HPSE2: variants seen among roughly 807,000 people sequenced by gnomAD.
HPSE2 encodes heparanase 2 (inactive), also known as inactive heparanase-2.
HPSE2 carries 38 observed loss-of-function variants against 60.5 expected under a neutral mutation model. The ratio of observed to expected loss-of-function variants is 0.63; its 90% CI spans 0.48 to 0.82. The LOEUF is 0.82. HPSE2 is among the 40% of genes least tolerant of loss of function. The pLI is 0.00. For synonymous variants in HPSE2, 295 were observed against 293.2 expected (o/e 1.01, Z -0.06); for missense variants, 713 against 740.4 (o/e 0.96, Z 0.43).
the HPSE2 span, among the ~76,000 whole-genome samples, chr10:99,294,408 A>G: frequency 3.4e-5 from 5 of 146,700 alleles, no homozygotes; most frequent in Non-Finnish European, 7.5e-5. Flanking sequence ...ATATAAATAT[A>G]TAATATATAC....
intron 9 of HPSE2, among the ~76,000 whole-genome samples, chr10:98,597,798 C>A (rs561432027): frequency 6.6e-6 from 1 of 151,846 alleles, no homozygotes; most frequent in South Asian, 2.1e-4. Context: ...TGGTGAGACC[C>A]CGTCTCTACT....
At chr10:99,290,597 G>GT in the HPSE2 span, among the ~76,000 whole-genome samples, 1 of 79,124 alleles carries the variant, frequency 1.3e-5, no homozygotes, top group Admixed American at 1.1e-4. Context: ...TGGTTCTTAT[G>GT]TTTCTCTCTG....
chr10:99,143,625 C>A (rs1845944479), intron 3 of HPSE2, among the ~76,000 whole-genome samples: 1 of 152,124 alleles, frequency 6.6e-6, no homozygotes. Flanking sequence ...TTTTCCAAAG[C>A]CTGACAAAAC....
At chr10:98,687,770 C>T (rs1313122118) in intron 6 of HPSE2, among the ~76,000 whole-genome samples, 1 of 152,094 alleles carries the variant, frequency 6.6e-6, no homozygotes, top group Non-Finnish European at 1.5e-5. Context: ...ATAGCCTCAC[C>T]AGCTTTTTAT....
chr10:98,628,557 T>A (rs1946277290), intron 7 of HPSE2, among the ~76,000 whole-genome samples: 1 of 152,182 alleles, frequency 6.6e-6, no homozygotes, highest in African/African-American at 2.4e-5. Flanking sequence ...ATGCTGAAAT[T>A]ACTTAAGTGA....
rs148104806 is a variant in HPSE2 at position 98,808,474 on chromosome 10, T to C, written c.611-64418A>G. ...TCAATAAAATACACTTTCTAGCATA[T>C]AACATTTAATCAAGAAACCAGAATT... On this transcript the variant is annotated intron_variant, in intron 3 of 11. Transcript: ENST00000370552. 4.1e-4 allele frequency among the ~76,000 whole-genome samples: 62 copies of C among 152,318 alleles called. No individual in the cohort carries two copies. The East Asian group carries it at 0.011, about 28-fold the overall frequency.
At chr10:98,768,809 CG>C (rs1236260326) in intron 3 of HPSE2, among the ~76,000 whole-genome samples, 2 of 152,126 alleles carry the variant, frequency 1.3e-5, no homozygotes, top group African/African-American at 2.4e-5. Context: ...CCCAGCACTT[CG>C]GGATGTTGAG....
At chr10:99,289,061 G>GT in the HPSE2 span, among the ~76,000 whole-genome samples, 1 of 152,040 alleles carries the variant, frequency 6.6e-6, no homozygotes, top group Non-Finnish European at 1.5e-5. Context: ...TTTTCACATG[G>GT]TAACATTCTG....
chr10:98,951,872 A>G (rs1362562216), intron 3 of HPSE2, among the ~76,000 whole-genome samples: 1 of 152,156 alleles, frequency 6.6e-6, no homozygotes, highest in Admixed American at 6.5e-5. Context: ...AGATTATCCA[A>G]CTAAATTCCC....
At chr10:99,046,853 A>G (rs191012904) in intron 3 of HPSE2, among the ~76,000 whole-genome samples, 65 of 152,322 alleles carry the variant, frequency 4.3e-4, no homozygotes, top group African/African-American at 1.5e-3. Flanking sequence ...CATGCTCTGG[A>G]TGGAAAGAAT....
chr10:99,021,109 C>T (rs1042718380), intron 3 of HPSE2, among the ~76,000 whole-genome samples: 1 of 152,196 alleles, frequency 6.6e-6, no homozygotes, highest in African/African-American at 2.4e-5. Context: ...ACAGTTTACA[C>T]ACCTGTCTCC....
intron 9 of HPSE2, among the ~76,000 whole-genome samples, chr10:98,517,904 C>A (rs944968761): frequency 1.3e-5 from 2 of 152,220 alleles, no homozygotes; most frequent in Non-Finnish European, 2.9e-5. Context: ...ATGGGCCTGG[C>A]ACAGGCCTGG....
intron 5 of HPSE2, among the ~76,000 whole-genome samples, chr10:98,700,014 C>T (rs1406726742): frequency 1.3e-5 from 2 of 151,606 alleles, no homozygotes; most frequent in East Asian, 1.9e-4. Flanking sequence ...AATGGAAGAA[C>T]ATTCCATGCT....
intron 6 of HPSE2, among the ~76,000 whole-genome samples, chr10:98,681,582 T>G (rs1215571236): frequency 6.6e-6 from 1 of 152,198 alleles, no homozygotes; most frequent in African/African-American, 2.4e-5. Flanking sequence ...CTTGTTGAAT[T>G]TTGTTATAGT....
In HPSE2 at chr10:99,006,187, G is replaced by A. The variant is rs537857423; in HGVS notation, c.610+138051C>T. On this transcript the variant is annotated intron_variant, in intron 3 of 11. Coordinates refer to ENST00000370552, the MANE Select transcript of HPSE2 (RefSeq NM_021828.5). Reference sequence around the variant, plus strand: ...GATGGTCCTGGGAACTGAGTCCACAGGAGCTGGCTTGGAACTAGAGTGGGG... The same window carrying A: ...GATGGTCCTGGGAACTGAGTCCACAAGAGCTGGCTTGGAACTAGAGTGGGG... Among the ~76,000 whole-genome samples, 18 of 152,284 alleles carry A rather than the reference G, an allele frequency of 1.2e-4. No homozygotes were observed. The South Asian group carries it at 3.7e-3, about 32-fold the overall frequency.
In HPSE2 at chr10:99,181,397, C is replaced by CAAAA. The variant is rs58049545; in HGVS notation, c.449-37002_449-36999dup. On this transcript the variant is annotated intron_variant, in intron 2 of 11. Coordinates refer to ENST00000370552, the MANE Select transcript of HPSE2 (RefSeq NM_021828.5). ...TGGGCGACAGAGCGAGACTCCGTCT[C>CAAAA]AAAAAAAAAAAAAAAAAAAAAAAAG... Among the ~76,000 whole-genome samples the CAAAA allele has an allele frequency of 2.3e-4, 24 of 104,754 alleles. 1 individual carries two copies. The highest frequency in any genetic ancestry group is 1.2e-3 in the African/African-American group (22 of 18,510). The allele number at this position is 104,754 out of a possible 152,430, so 68.7% of individuals were successfully genotyped here. A position where few individuals can be genotyped will look rare whatever the true frequency, so the allele number is the denominator to read the frequency against.
chr10:98,749,959 T>G (rs979507147), intron 3 of HPSE2, among the ~76,000 whole-genome samples: 2 of 139,926 alleles, frequency 1.4e-5, no homozygotes, highest in Non-Finnish European at 3.1e-5. Context: ...CACACACACT[T>G]ACACACACAT....
At chr10:99,002,400 A>G (rs776277147) in intron 3 of HPSE2, among the ~76,000 whole-genome samples, 2 of 152,100 alleles carry the variant, frequency 1.3e-5, no homozygotes, top group Non-Finnish European at 2.9e-5. Flanking sequence ...GTAACTTTAC[A>G]CTGGAGAAAC....
At chr10:99,200,201 TA>T (rs1848530289) in intron 2 of HPSE2, among the ~76,000 whole-genome samples, 2 of 152,060 alleles carry the variant, frequency 1.3e-5, no homozygotes, top group Admixed American at 6.6e-5. Flanking sequence ...TTACCACAAT[TA>T]AAAAAATCAC....
Sources: gnomAD v4.1 joint callset for allele counts (sites outside exome capture counted in the v4.1 genomes callset) on GRCh38, gnomAD v4.1.1 for gene constraint, MANE v1.5 for transcripts, NCBI Gene and HGNC (gene_info 2026-07-23, HGNC 2026-07-21) for gene names.